The following SH2B2 variants were observed in gnomAD, a reference collection of about 807,000 sequenced individuals.
SH2B2 encodes the protein SH2B adapter protein 2.
SH2B2 carries 37 observed loss-of-function variants against 35.7 expected under a neutral mutation model. The ratio of observed to expected loss-of-function variants is 1.04; its 90% CI spans 0.80 to 1.36. The LOEUF (loss-of-function observed/expected upper bound fraction) is 1.36, where lower values mean the gene tolerates loss of function less well. SH2B2 is among the 40% of genes most tolerant of loss of function. The pLI, the probability that SH2B2 is intolerant of heterozygous loss-of-function variation, is 0.00. For synonymous variants in SH2B2, 383 were observed against 376.4 expected, an observed-to-expected ratio of 1.02 and a Z score of -0.20; for missense variants, 852 against 817.7, an observed-to-expected ratio of 1.04 and a Z score of -0.51.
intron 6 of SH2B2, 116 bp from the exon 7 acceptor site, chr7:102,317,071 C>A: frequency 1.2e-6 from 1 of 844,428 alleles, no homozygotes; most frequent in East Asian, 2.8e-5. Flanking sequence ...AACATTATTC[C>A]AACAGCATTT....
chr7:102,294,749 G>A (rs1176318788), intron 1 of SH2B2, among the ~76,000 whole-genome samples: 3 of 152,264 alleles, frequency 2.0e-5, no homozygotes, highest in South Asian at 2.1e-4. Flanking sequence ...AACCATGTCC[G>A]GGCCTCCCTC....
At chr7:102,285,384 A>G (rs561552242), upstream of SH2B2, 17 of 708,056 alleles carry the variant, frequency 2.4e-5, no homozygotes, top group African/African-American at 2.1e-4. Flanking sequence ...GGCCTCATTC[A>G]TAGGTGTCCT....
intron 3 of SH2B2, among the ~76,000 whole-genome samples, chr7:102,308,372 A>C (rs1243902190): frequency 6.6e-6 from 1 of 152,192 alleles, no homozygotes; most frequent in East Asian, 1.9e-4. Flanking sequence ...GCGCATGGCC[A>C]TGCCGGTAGA....
chr7:102,320,496 C>T lies in SH2B2; in HGVS notation c.1561C>T (p.Pro521Ser). The T allele has an allele frequency of 6.2e-7, 1 of 1,611,488 alleles. No individual in the cohort carries two copies. The highest frequency in any genetic ancestry group is 8.5e-7 in the Non-Finnish European group (1 of 1,179,004). ...CAGCTATGTGCGGGCCCAGGACCCC[C>T]CACCAGGTAAGATGCCGCCACCTGG... ...LRSYVRAQDP[P>S]PEPGPTPPAA... Residue 521 changes from proline (P) to serine (S), a missense_variant, in exon 8 of 9, where the codon CCA becomes TCA. Around this residue, in one of 3 missense-constraint regions of SH2B2, gnomAD observed 556 missense variants for 514.5 expected, o/e 1.08. Coordinates refer to ENST00000444095, the MANE Select transcript of SH2B2 (RefSeq NM_001359228.2).
intron 1 of SH2B2, among the ~76,000 whole-genome samples, chr7:102,289,933 C>A (rs1436816617): frequency 6.6e-6 from 1 of 152,128 alleles, no homozygotes; most frequent in African/African-American, 2.4e-5. Context: ...CCTGCAGAGC[C>A]CATCCAGGAA....
intron 1 of SH2B2, among the ~76,000 whole-genome samples, chr7:102,296,159 C>T (rs192106652): frequency 2.5e-3 from 385 of 152,334 alleles, no homozygotes; most frequent in Non-Finnish European, 4.3e-3. Flanking sequence ...TGGTTATTGA[C>T]TGCAGATTGA....
intron 1 of SH2B2, among the ~76,000 whole-genome samples, chr7:102,296,206 G>A (rs781911523): frequency 6.6e-6 from 1 of 152,204 alleles, no homozygotes; most frequent in African/African-American, 2.4e-5. Context: ...GAATTCCCAC[G>A]GTGCCCTATG....
chr7:102,312,576 T>C (rs1793668034), intron 4 of SH2B2, among the ~76,000 whole-genome samples: 3 of 152,246 alleles, frequency 2.0e-5, no homozygotes, highest in African/African-American at 7.2e-5. Context: ...GACAGAACCC[T>C]ATCTTGAATG....
chr7:102,307,072 C>T (rs1793433019), intron 3 of SH2B2, among the ~76,000 whole-genome samples: 1 of 152,246 alleles, frequency 6.6e-6, no homozygotes, highest in South Asian at 2.1e-4. Flanking sequence ...CCCATTTACC[C>T]CTGGGCCTGG....
chr7:102,294,171 G>A (rs1792812705), intron 1 of SH2B2, among the ~76,000 whole-genome samples: 1 of 152,126 alleles, frequency 6.6e-6, no homozygotes, highest in South Asian at 2.1e-4. Flanking sequence ...GGGACTACAG[G>A]CGTGTGCCAC....
intron 1 of SH2B2, among the ~76,000 whole-genome samples, chr7:102,296,423 C>T (rs1036826042): frequency 2.0e-5 from 3 of 152,166 alleles, no homozygotes; most frequent in Admixed American, 6.5e-5. Flanking sequence ...GGTCGCTTGT[C>T]CCCCAACACT....
At chr7:102,312,306 C>G (rs1554556266) in intron 4 of SH2B2, among the ~76,000 whole-genome samples, 1 of 151,922 alleles carries the variant, frequency 6.6e-6, no homozygotes, top group South Asian at 2.1e-4. Flanking sequence ...ACCTGGGAGG[C>G]AGAGGTTGCA....
chr7:102,308,828 C>T lies in SH2B2; in HGVS notation c.845C>T (p.Ala282Val). The stretch of plus-strand genomic sequence containing the variant: ...CTTCCTCCCCAGGTAGAGAATGGAG[C>T]CGAATACATCTTGGAGACCATCGAC... Reference protein sequence around the residue: ...NTFVLKVENGAEYILETIDSL... With the variant: ...NTFVLKVENGVEYILETIDSL... The change falls in exon 4 of 9, where the codon GCC (alanine) becomes GTC (valine). Residue 282 changes from alanine to valine, a missense_variant. By Grantham distance (64) the Ala-to-Val change is moderately conservative. Transcript: ENST00000444095. 6.2e-7 allele frequency: 1 copy of T among 1,613,598 alleles called. No individual in the cohort carries two copies. Among genetic ancestry groups the T allele is most frequent in the Non-Finnish European group, 8.5e-7 (1 of 1,179,800 alleles).
chr7:102,300,766 C>T lies in SH2B2; in HGVS notation c.216C>T (p.Val72=). The T allele has an allele frequency of 6.5e-7, 1 of 1,533,518 alleles. No homozygotes were observed. The highest frequency in any genetic ancestry group is 8.8e-7 in the Non-Finnish European group (1 of 1,135,544). 95.0% of individuals were successfully genotyped at this position (1,533,518 alleles called of 1,614,324 possible). ...SRHFAANFLD[V]FGEEVRRVLV... Reference sequence around the variant, plus strand: ...ACTTCGCCGCCAACTTCCTGGACGTCTTCGGCGAGGAGGTGCGCCGCGTGC... The same window carrying T: ...ACTTCGCCGCCAACTTCCTGGACGTTTTCGGCGAGGAGGTGCGCCGCGTGC... The change falls in exon 2 of 9, where the codon GTC becomes GTT. Residue 72 remains valine, a synonymous_variant. Coordinates refer to ENST00000444095, the MANE Select transcript of SH2B2 (RefSeq NM_001359228.2).
chr7:102,294,949 C>G (rs3810768), intron 1 of SH2B2, among the ~76,000 whole-genome samples: 199 of 152,310 alleles, frequency 1.3e-3, no homozygotes, highest in East Asian at 4.3e-3. Flanking sequence ...CAGTCCCAAC[C>G]TCCCAGTGCC....
At chr7:102,285,466 A>C (rs1210278757), upstream of SH2B2, among the ~76,000 whole-genome samples, 2 of 152,172 alleles carry the variant, frequency 1.3e-5, no homozygotes, top group Non-Finnish European at 2.9e-5. Flanking sequence ...AGCTTTCATT[A>C]AAGTGTCTGC....
In SH2B2 at chr7:102,314,351, C is replaced by T. The variant is rs1793734509; in HGVS notation, c.939C>T (p.Asp313=). The T allele has an allele frequency of 5.0e-6, 2 of 398,570 alleles. No homozygotes were observed. Among genetic ancestry groups the T allele is most frequent in the Non-Finnish European group, 8.8e-6 (2 of 226,122 alleles). 24.7% of individuals were successfully genotyped at this position (398,570 alleles called of 1,614,324 possible). A position where few individuals can be genotyped will look rare whatever the true frequency, so the allele number is the denominator to read the frequency against. The change falls in exon 5 of 9, where the codon GAC becomes GAT. Residue 313 remains aspartate, a synonymous_variant. Transcript: ENST00000444095. Reference sequence around the variant, plus strand: ...GTCTCCACAGTGACAGTGAGGAAGACACCGAGCTCTCCTGTACCCGAGGAG... The same window carrying T: ...GTCTCCACAGTGACAGTGAGGAAGATACCGAGCTCTCCTGTACCCGAGGAG... The part of the protein sequence containing the change: ...GCVDPGDSEE[D]TELSCTRGGC...
chr7:102,314,370 C>T lies in SH2B2; in HGVS notation c.958C>T (p.Arg320Ter), dbSNP rs1195178239. ...SEEDTELSCT[R>*]GGCLASRVAS... ...GGAAGACACCGAGCTCTCCTGTACC[C>T]GAGGAGGCTGTCTGGCCAGCCGCGT... is the stretch of plus-strand genomic sequence containing the variant. Residue 320 changes from arginine (R) to a stop codon, truncating the protein, a stop_gained, in exon 5 of 9, where the codon CGA becomes TGA. Coordinates refer to ENST00000444095, the MANE Select transcript of SH2B2 (RefSeq NM_001359228.2). LOFTEE classifies it high-confidence loss of function. 3.0e-5 allele frequency: 12 copies of T among 398,578 alleles called. No individual in the cohort carries two copies. The highest frequency in any genetic ancestry group is 1.3e-4 in the South Asian group (1 of 7,860). The allele number at this position is 398,578 out of a possible 1,614,324, so 24.7% of individuals were successfully genotyped here.
chr7:102,310,867 A>G lies in SH2B2; in HGVS notation c.923+1961A>G, dbSNP rs374017298. Among the ~76,000 whole-genome samples, 39 of 152,082 alleles carry G rather than the reference A, an allele frequency of 2.6e-4. No homozygotes were observed. The East Asian group carries it at 6.4e-3, about 25-fold the overall frequency. On this transcript the variant is annotated intron_variant, in intron 4 of 8. Coordinates refer to ENST00000444095, the MANE Select transcript of SH2B2 (RefSeq NM_001359228.2). Reference sequence around the variant, plus strand: ...CCTCATGTCACAAATCGGGAGAGAAACCTTCCCACCCTCTGAGGGTCTGCA... The same window carrying G: ...CCTCATGTCACAAATCGGGAGAGAAGCCTTCCCACCCTCTGAGGGTCTGCA...
Sources: allele counts gnomAD v4.1 joint callset (sites outside exome capture counted in the v4.1 genomes callset), GRCh38; gene constraint gnomAD v4.1.1; regional missense constraint gnomAD v4.1.1; transcripts MANE v1.5; gene names NCBI Gene and HGNC (gene_info 2026-07-23, HGNC 2026-07-21).